Variants in SEPSECS observed in about 807,000 individuals in gnomAD.
SEPSECS encodes O-phosphoseryl-tRNA(Sec) selenium transferase.
SEPSECS carries 42 observed loss-of-function variants against 52.1 expected under a neutral mutation model. The ratio of observed to expected loss-of-function variants is 0.81; its 90% confidence interval spans 0.63 to 1.04. The LOEUF is 1.04. SEPSECS is among the 50% of genes least tolerant of loss of function. The pLI, the probability that SEPSECS is intolerant of heterozygous loss-of-function variation, is 0.00. For missense variants in SEPSECS, 590 were observed against 610.6 expected, an observed-to-expected ratio of 0.97 and a Z score of 0.36; for synonymous variants, 216 against 211.4, an observed-to-expected ratio of 1.02 and a Z score of -0.19.
chr4:25,154,643 A>G (rs1397917072), intron 5 of SEPSECS, among the ~76,000 whole-genome samples: 1 of 152,172 alleles, frequency 6.6e-6, no homozygotes, highest in Admixed American at 6.5e-5. Context: ...ACTGATAGCA[A>G]TGAAAAGAAG....
At chr4:25,151,343 G>C (rs1712289364) in intron 6 of SEPSECS, among the ~76,000 whole-genome samples, 1 of 152,162 alleles carries the variant, frequency 6.6e-6, no homozygotes, top group Non-Finnish European at 1.5e-5. Flanking sequence ...GGCAGCAAGG[G>C]TGGTTGGAGC....
At chr4:25,157,025 T>A in intron 2 of SEPSECS, 51 bp from the exon 3 acceptor site, 1 of 950,668 alleles carries the variant, frequency 1.1e-6, no homozygotes, top group Non-Finnish European at 1.7e-6. Flanking sequence ...GCATTCCGAG[T>A]AATACAATGT....
At chr4:25,136,167 C>G (rs928419173) in intron 8 of SEPSECS, among the ~76,000 whole-genome samples, 1 of 152,142 alleles carries the variant, frequency 6.6e-6, no homozygotes, top group South Asian at 2.1e-4. Flanking sequence ...CCTCTCTCAC[C>G]ACTCTTATTC....
rs1274947959 is a variant in SEPSECS at position 25,124,058 on chromosome 4, G to T, written c.1379C>A (p.Ala460Glu). ...CTCTTTACTTCGTTCTTTTCTTACT[G>T]CCTTTAAACACCTGTCAAGTCTCTT... ...FIKRLDRCLKAVRKERSKESD... is the reference protein window; with the variant it reads ...FIKRLDRCLKEVRKERSKESD... The change falls in exon 11 of 11, where the codon GCA (alanine) becomes GAA (glutamate). Residue 460 changes from alanine (A) to glutamate (E), a missense_variant. Physicochemically the swap from Ala to Glu is moderately radical, Grantham distance 107 (BLOSUM62 -1). Coordinates refer to ENST00000382103, the MANE Select transcript of SEPSECS (RefSeq NM_016955.4). 6.2e-7 allele frequency: 1 copy of T among 1,613,658 alleles called. No homozygotes were observed. The highest frequency in any genetic ancestry group is 8.5e-7 in the Non-Finnish European group (1 of 1,179,728).
intron 1 of SEPSECS, chr4:25,160,021 C>A: frequency 3.0e-6 from 3 of 985,426 alleles, no homozygotes; most frequent in Non-Finnish European, 3.6e-6. Context: ...CAGCGGGACT[C>A]AAAACCCCGA....
At chr4:25,134,734 A>T (rs1024818340) in intron 8 of SEPSECS, among the ~76,000 whole-genome samples, 1 of 152,156 alleles carries the variant, frequency 6.6e-6, no homozygotes, top group African/African-American at 2.4e-5. Flanking sequence ...ATTTTTATTT[A>T]TGGTTTCGAA....
In SEPSECS at chr4:25,156,105, G is replaced by T. The variant is rs748370095; in HGVS notation, c.479C>A (p.Pro160Gln). 1 of 1,613,780 alleles carries T rather than the reference G, an allele frequency of 6.2e-7. No homozygotes were observed. The highest frequency in any genetic ancestry group is 1.7e-5 in the Admixed American group (1 of 60,010). Residue 160 changes from proline to glutamine, a missense_variant, in exon 4 of 11, where the codon CCA becomes CAA. Pro to Gln is a moderately conservative substitution (Grantham distance 76). Transcript: ENST00000382103. ...LCFLTLRHKR[P>Q]KAKYIIWPRI... ...TGGCCATATAATATACTTTGCCTTT[G>T]GTCTTTTGTGTCGTAATGTTAAGAA...
chr4:25,129,808 T>C (rs1296326913), intron 8 of SEPSECS, among the ~76,000 whole-genome samples: 1 of 152,186 alleles, frequency 6.6e-6, no homozygotes, highest in Non-Finnish European at 1.5e-5. Flanking sequence ...CCAGGGTTAA[T>C]AAAGAGGAGG....
chr4:25,130,957 A>G (rs1048073956), intron 8 of SEPSECS, among the ~76,000 whole-genome samples: 2 of 152,230 alleles, frequency 1.3e-5, no homozygotes, highest in African/African-American at 4.8e-5. Context: ...CTTAAAAGAA[A>G]TGAAATATTA....
chr4:25,150,182 G>A (rs928874811), intron 6 of SEPSECS, among the ~76,000 whole-genome samples: 2 of 152,126 alleles, frequency 1.3e-5, no homozygotes, highest in Admixed American at 1.3e-4. Flanking sequence ...TATCTATTGT[G>A]CTTCAGAGCA....
intron 5 of SEPSECS, among the ~76,000 whole-genome samples, chr4:25,153,877 C>G (rs1037005194): frequency 4.6e-5 from 7 of 151,982 alleles, no homozygotes; most frequent in Non-Finnish European, 1.0e-4. Flanking sequence ...AAACACTTAA[C>G]ACTGTGCCAG....
At chr4:25,139,095 T>G (rs13135558) in intron 8 of SEPSECS, among the ~76,000 whole-genome samples, 1 of 152,212 alleles carries the variant, frequency 6.6e-6, no homozygotes, top group Non-Finnish European at 1.5e-5. Flanking sequence ...GGGGTAGGTG[T>G]CCCAGCTGGG....
chr4:25,142,524 A>G (rs1472532021), intron 8 of SEPSECS, among the ~76,000 whole-genome samples: 1 of 152,224 alleles, frequency 6.6e-6, no homozygotes, highest in Non-Finnish European at 1.5e-5. Flanking sequence ...ATATCTATAT[A>G]TATCTATATG....
At chr4:25,155,849 T>C (rs576708503) in intron 4 of SEPSECS, among the ~76,000 whole-genome samples, 188 bp downstream of exon 4, 53 of 152,348 alleles carry the variant, frequency 3.5e-4, no homozygotes, top group African/African-American at 1.3e-3. Context: ...TATTTAGGTA[T>C]CCATAAACTT....
At chr4:25,134,657 A>G (rs1728761441) in intron 8 of SEPSECS, among the ~76,000 whole-genome samples, 1 of 152,196 alleles carries the variant, frequency 6.6e-6, no homozygotes, top group Non-Finnish European at 1.5e-5. Context: ...TTGCTAATTA[A>G]ATAAGTTTAA....
chr4:25,127,902 A>T (rs1333371684), intron 8 of SEPSECS, among the ~76,000 whole-genome samples: 1 of 152,200 alleles, frequency 6.6e-6, no homozygotes, highest in Non-Finnish European at 1.5e-5. Context: ...TAGTCACTAC[A>T]CACCAGTCAC....
intron 6 of SEPSECS, among the ~76,000 whole-genome samples, chr4:25,149,211 C>T (rs1234646171): frequency 1.3e-5 from 2 of 152,072 alleles, no homozygotes; most frequent in Non-Finnish European, 2.9e-5. Flanking sequence ...GTACACACCA[C>T]CACACCCAGA....
At chr4:25,160,566 A>G (rs1713024947), upstream of SEPSECS, 2 of 513,598 alleles carry the variant, frequency 3.9e-6, no homozygotes, top group Non-Finnish European at 6.9e-6. Flanking sequence ...GCGCTCCAGG[A>G]GGAAGTTGGC....
chr4:25,149,268 G>T (rs6849555), intron 6 of SEPSECS, among the ~76,000 whole-genome samples: 2 of 151,778 alleles, frequency 1.3e-5, no homozygotes, highest in Non-Finnish European at 2.9e-5. Flanking sequence ...GTCTTGCTTT[G>T]TTGCCCAGGG....
Sources: gnomAD v4.1 joint callset for allele counts (sites outside exome capture counted in the v4.1 genomes callset) on GRCh38, gnomAD v4.1.1 for gene constraint, MANE v1.5 for transcripts, NCBI Gene and HGNC (gene_info 2026-07-23, HGNC 2026-07-21) for gene names.